The following FOXN3 variants were observed in gnomAD, a reference collection of about 807,000 sequenced individuals.
The protein encoded by FOXN3 is forkhead box N3, also known as forkhead box protein N3.
In FOXN3, 7 loss-of-function variants were observed where a neutral mutation model predicts 38.4. That is an observed-to-expected ratio of 0.18 (90% confidence interval 0.10 to 0.34). The LOEUF is 0.34. Among genes scored for constraint, FOXN3 ranks in the 10% least tolerant of loss-of-function variants. FOXN3 has a pLI of 1.00. For missense variants in FOXN3, 456 were observed against 613.4 expected (o/e 0.74, Z 2.71); for synonymous variants, 230 against 242.2 (o/e 0.95, Z 0.47).
rs377302455 is a variant in FOXN3 at position 89,550,362 on chromosome 14, C to T, written c.-15+68666G>A. ...CTTGTTATAGCTGGAAGACATTCTGCGTGAAATAATGTACAGTGCACAGCA... is the reference window on the plus strand; with the variant it reads ...CTTGTTATAGCTGGAAGACATTCTGTGTGAAATAATGTACAGTGCACAGCA... On this transcript the variant is annotated intron_variant, in intron 1 of 6. Transcript: ENST00000345097. Among the ~76,000 whole-genome samples the T allele has an allele frequency of 1.5e-4, 23 of 152,270 alleles. No homozygotes were observed. The South Asian group carries it at 1.7e-3, about 11-fold the overall frequency.
At chr14:89,407,371 A>T (rs1392177779) in intron 2 of FOXN3, among the ~76,000 whole-genome samples, 1 of 152,248 alleles carries the variant, frequency 6.6e-6, no homozygotes, top group Non-Finnish European at 1.5e-5. Flanking sequence ...TAATTCAAAC[A>T]AACATTTTGT....
intron 1 of FOXN3, among the ~76,000 whole-genome samples, chr14:89,467,746 C>T (rs2139739580): frequency 6.6e-6 from 1 of 150,476 alleles, no homozygotes; most frequent in East Asian, 1.9e-4. Context: ...TAGGTAAGTG[C>T]CACCAAGCCC....
At position 89,365,853 on chromosome 14, in the gene FOXN3, A is replaced by C. The variant is rs577987347; in HGVS notation, c.544-15045T>G. ...TGAAGCCATAAACTCTCACGTACAC[A>C]CAAAGTACACATGGAGAGATTTTAA... is the stretch of plus-strand genomic sequence containing the variant. On this transcript the variant is annotated intron_variant, in intron 2 of 5. Transcript: ENST00000557258. Among the ~76,000 whole-genome samples, 6 of 152,366 alleles carry C rather than the reference A, an allele frequency of 3.9e-5. No homozygotes were observed. In the East Asian group the frequency reaches 1.2e-3, roughly 29 times the overall value.
At chr14:89,480,269 G>A (rs1893298501) in intron 1 of FOXN3, among the ~76,000 whole-genome samples, 1 of 152,140 alleles carries the variant, frequency 6.6e-6, no homozygotes, top group African/African-American at 2.4e-5. Context: ...CAGGCGTGGT[G>A]GCGGGCGCCT....
Position 89,431,035 on chromosome 14 carries a change from A to T in FOXN3, c.-14-18545T>A, listed in dbSNP as rs147339819. ...GAAAATGGTTTTCTCAGTTTCTTGC[A>T]CATGACCTAAAGGCTTGTCCAGTCA... On this transcript the variant is annotated intron_variant, in intron 1 of 6. Coordinates refer to the FOXN3 transcript ENST00000345097. 3.1e-3 allele frequency among the ~76,000 whole-genome samples: 465 copies of T among 152,340 alleles called. 2 individuals are homozygous for T. Among genetic ancestry groups the T allele is most frequent in the Middle Eastern group, 6.8e-3 (2 of 294 alleles).
At chr14:89,513,148 A>AG (rs1371611659) in intron 1 of FOXN3, among the ~76,000 whole-genome samples, 5 of 47,856 alleles carry the variant, frequency 1.0e-4, no homozygotes, top group African/African-American at 2.3e-4. Flanking sequence ...ATTCCATCTC[A>AG]GGAAAAAAAA....
chr14:89,313,739 C>T (rs570171062), intron 3 of FOXN3, among the ~76,000 whole-genome samples: 11 of 152,146 alleles, frequency 7.2e-5, no homozygotes, highest in Admixed American at 3.9e-4. Flanking sequence ...AAATGTCCCT[C>T]GATGGCGAAT....
rs749707487 is a variant in FOXN3, at chr14:89,369,155, G to A, written c.544-18347C>T. On this transcript the variant is annotated intron_variant, in intron 2 of 5. Coordinates refer to ENST00000557258, the MANE Select transcript of FOXN3 (RefSeq NM_005197.4). ...TACTTCCCAACCACACTCTCAGACC[G>A]TGCTTCAATTATTGATTAGGATTTC... Among the ~76,000 whole-genome samples the A allele has an allele frequency of 9.9e-5, 15 of 152,216 alleles. No individual in the cohort carries two copies. The South Asian group carries it at 2.5e-3, about 25-fold the overall frequency.
intron 4 of FOXN3, among the ~76,000 whole-genome samples, chr14:89,182,297 A>G (rs1307002013): frequency 3.9e-5 from 6 of 152,210 alleles, no homozygotes; most frequent in Admixed American, 2.6e-4. Context: ...AATTTTACAG[A>G]CTGTCAATTC....
intron 3 of FOXN3, among the ~76,000 whole-genome samples, chr14:89,299,430 A>G (rs1199709429): frequency 2.6e-5 from 4 of 152,238 alleles, no homozygotes; most frequent in African/African-American, 9.6e-5. Flanking sequence ...CCAGTCTTGG[A>G]TGTCTTTATC....
Position 89,412,636 on chromosome 14 carries a change from A to T in FOXN3, c.-14-146T>A. 13 of 607,828 alleles carry T rather than the reference A, an allele frequency of 2.1e-5. No homozygotes were observed. The South Asian group carries it at 3.0e-4, about 14-fold the overall frequency. 37.7% of individuals were successfully genotyped at this position (607,828 alleles called of 1,614,324 possible). A position where few individuals can be genotyped will look rare whatever the true frequency, so the allele number is the denominator to read the frequency against. ...ACACCACCTTGTGACTCCCACACTA[A>T]GCAACACAATCCCACAATTCCACCA... On this transcript the variant is annotated intron_variant, in intron 1 of 5. Transcript: ENST00000557258. This position sits in a 1 kb window ranked among gnomAD's most constrained non-coding sequence, Gnocchi z 4.7.
At chr14:89,345,906 AGCAGG>A (rs1888746487) in intron 3 of FOXN3, among the ~76,000 whole-genome samples, 1 of 152,168 alleles carries the variant, frequency 6.6e-6, no homozygotes, top group Non-Finnish European at 1.5e-5. Flanking sequence ...CACAAAAATT[AGCAGG>A]GCTTCATGGT....
chr14:89,275,036 T>C (rs561967918), intron 4 of FOXN3, among the ~76,000 whole-genome samples: 1 of 152,332 alleles, frequency 6.6e-6, no homozygotes, highest in East Asian at 1.9e-4. Flanking sequence ...AACTGTCCTA[T>C]GTGCTTGACT....
rs1157998619 is a variant in FOXN3 at position 89,546,329 on chromosome 14, C to CTTTTTTTTTTTTTTTTTTTTT, written c.-15+72698_-15+72699insAAAAAAAAAAAAAAAAAAAAA. Among the ~76,000 whole-genome samples the CTTTTTTTTTTTTTTTTTTTTT allele has an allele frequency of 1.0e-4, 8 of 78,314 alleles. 1 individual carries two copies. The highest frequency in any genetic ancestry group is 4.9e-4 in the South Asian group (1 of 2,056). The allele number at this position is 78,314 out of a possible 152,430, so 51.4% of individuals were successfully genotyped here. On this transcript the variant is annotated intron_variant, in intron 1 of 6. Coordinates refer to the FOXN3 transcript ENST00000345097. ...TAGCTTCTTTTCTTTTTTCCTTTTTCTTTTTTTTTTTTTTTTTTTGAGATG... is the reference window on the plus strand; with the variant it reads ...TAGCTTCTTTTCTTTTTTCCTTTTTCTTTTTTTTTTTTTTTTTTTTTTTTTTTTTTTTTTTTTTTTGAGATG...
At chr14:89,172,311 C>T (rs1467589567) in intron 5 of FOXN3, among the ~76,000 whole-genome samples, 1 of 152,140 alleles carries the variant, frequency 6.6e-6, no homozygotes, top group Non-Finnish European at 1.5e-5. Context: ...GCCTCAAACT[C>T]CCGGGCTTTA....
In FOXN3 at chr14:89,526,339, A is replaced by T. The variant is rs182445751; in HGVS notation, c.-15+92689T>A. ...AGAAGGAAAATTGTATTCAAAGATT[A>T]TGTCATTATCTTTGTAGAAAATCCC... On this transcript the variant is annotated intron_variant, in intron 1 of 6. Transcript: ENST00000345097. Among the ~76,000 whole-genome samples, 565 of 152,322 alleles carry T rather than the reference A, an allele frequency of 3.7e-3. 5 individuals are homozygous for T. Among genetic ancestry groups the T allele is most frequent in the Non-Finnish European group, 6.2e-3 (419 of 68,026 alleles).
intron 3 of FOXN3, chr14:89,290,231 G>A (rs796415357): frequency 3.7e-5 from 12 of 321,546 alleles, no homozygotes; most frequent in African/African-American, 2.6e-4. Flanking sequence ...ATCCCATGCT[G>A]TCTTGAACTG....
At chr14:89,595,861 A>G (rs1007092644) in intron 1 of FOXN3, among the ~76,000 whole-genome samples, 2 of 152,222 alleles carry the variant, frequency 1.3e-5, no homozygotes, top group African/African-American at 2.4e-5. Flanking sequence ...TGCTTCTTAC[A>G]GTAAGAAAAC....
At chr14:89,524,755 A>T (rs1174779717) in intron 1 of FOXN3, among the ~76,000 whole-genome samples, 1 of 152,192 alleles carries the variant, frequency 6.6e-6, no homozygotes, top group Non-Finnish European at 1.5e-5. Flanking sequence ...TTAAAAAAGT[A>T]GGCTTACATC....
Sources: allele counts gnomAD v4.1 joint callset (sites outside exome capture counted in the v4.1 genomes callset), GRCh38; gene constraint gnomAD v4.1.1; non-coding constraint Gnocchi (gnomAD v3.1); transcripts MANE v1.5; gene names NCBI Gene and HGNC (gene_info 2026-07-23, HGNC 2026-07-21).